MVB12B: variants seen among roughly 807,000 people sequenced by gnomAD.
The protein encoded by MVB12B is multivesicular body subunit 12B.
MVB12B carries 16 observed loss-of-function variants against 41.6 expected under a neutral mutation model. That is an observed-to-expected ratio of 0.38 (90% CI 0.26 to 0.58). MVB12B has a LOEUF of 0.58. Ranked by LOEUF, MVB12B falls within the 20% of genes least tolerant of loss-of-function variation. The probability of loss-of-function intolerance (pLI) is 0.62; values close to 1 mark genes in which losing one functional copy is unlikely to be tolerated. For synonymous variants in MVB12B, 133 were observed against 139.7 expected (o/e 0.95, Z 0.34); for missense variants, 274 against 380.2 (o/e 0.72, Z 2.32).
At chr9:126,335,732 ATTC>A (rs1221753352) in intron 1 of MVB12B, among the ~76,000 whole-genome samples, 2 of 152,170 alleles carry the variant, frequency 1.3e-5, no homozygotes, top group East Asian at 3.9e-4. Flanking sequence ...TGAAATGTTT[ATTC>A]TTCTTCCTTC....
chr9:126,500,907 AGGTG>A, intron 9 of MVB12B, among the ~76,000 whole-genome samples: 1 of 152,126 alleles, frequency 6.6e-6, no homozygotes, highest in African/African-American at 2.4e-5. Context: ...GTGCCCTCGG[AGGTG>A]GCCTTCATGC....
intron 2 of MVB12B, among the ~76,000 whole-genome samples, chr9:126,370,847 T>C (rs1830316527): frequency 1.3e-5 from 2 of 152,198 alleles, no homozygotes; most frequent in African/African-American, 2.4e-5. Flanking sequence ...TTTAGGGTAG[T>C]AAGATTCATC....
intron 7 of MVB12B, among the ~76,000 whole-genome samples, chr9:126,425,747 C>T (rs1452167916): frequency 2.6e-5 from 4 of 152,182 alleles, no homozygotes; most frequent in African/African-American, 7.2e-5. Flanking sequence ...GGCAAGCAGC[C>T]GGCTGCTCCA....
intron 1 of MVB12B, among the ~76,000 whole-genome samples, chr9:126,330,328 C>T (rs199625701): frequency 2.6e-5 from 3 of 115,990 alleles, no homozygotes; most frequent in Admixed American, 8.7e-5. Context: ...CACACACATA[C>T]ACACACACTT....
intron 7 of MVB12B, among the ~76,000 whole-genome samples, chr9:126,429,075 A>G (rs559175289): frequency 6.6e-6 from 1 of 152,310 alleles, no homozygotes; most frequent in African/African-American, 2.4e-5. Flanking sequence ...ATAATAGCAT[A>G]TGGGAAAATT....
chr9:126,402,147 G>C (rs1000652717), intron 6 of MVB12B, among the ~76,000 whole-genome samples: 7 of 152,236 alleles, frequency 4.6e-5, no homozygotes, highest in African/African-American at 1.7e-4. Context: ...GAGGATTGGA[G>C]TTGAAATCTG....
intron 7 of MVB12B, among the ~76,000 whole-genome samples, chr9:126,447,470 G>C (rs1268457881): frequency 1.3e-5 from 2 of 151,938 alleles, no homozygotes; most frequent in Admixed American, 6.6e-5. Context: ...TGACTCAAGT[G>C]TTAGAAAAGA....
chr9:126,489,954 G>A (rs1372031612), intron 9 of MVB12B, among the ~76,000 whole-genome samples: 1 of 152,186 alleles, frequency 6.6e-6, no homozygotes, highest in Non-Finnish European at 1.5e-5. Context: ...TGGCTCTGCA[G>A]GAGGGCAGTG....
intron 7 of MVB12B, among the ~76,000 whole-genome samples, chr9:126,437,685 C>T (rs1430655816): frequency 2.0e-5 from 3 of 152,140 alleles, no homozygotes; most frequent in South Asian, 4.1e-4. Context: ...GTTAAAATAG[C>T]GTTGACAGGC....
intron 9 of MVB12B, among the ~76,000 whole-genome samples, chr9:126,494,727 C>T (rs1448600951): frequency 6.6e-6 from 1 of 152,158 alleles, no homozygotes; most frequent in Non-Finnish European, 1.5e-5. Context: ...TCATTTTCCA[C>T]CCAGTAACCA....
intron 6 of MVB12B, among the ~76,000 whole-genome samples, chr9:126,420,772 A>T (rs115144714): frequency 0.017 from 2,645 of 151,202 alleles, 42 homozygotes; most frequent in African/African-American, 0.042. Context: ...CAAACCCCCA[A>T]CCTCAGGTGA....
chr9:126,462,074 G>A (rs1833102777), intron 7 of MVB12B, among the ~76,000 whole-genome samples: 1 of 152,212 alleles, frequency 6.6e-6, no homozygotes, highest in African/African-American at 2.4e-5. Context: ...AAAACGCTCT[G>A]CTGTTCTGTG....
At chr9:126,349,966 G>A (rs1471788028) in intron 2 of MVB12B, among the ~76,000 whole-genome samples, 1 of 152,146 alleles carries the variant, frequency 6.6e-6, no homozygotes, top group Non-Finnish European at 1.5e-5. Flanking sequence ...GAATATATGA[G>A]GATCCAGTTT....
intron 3 of MVB12B, among the ~76,000 whole-genome samples, chr9:126,384,108 T>A (rs1830706157): frequency 6.6e-6 from 1 of 151,962 alleles, no homozygotes; most frequent in Non-Finnish European, 1.5e-5. Flanking sequence ...TGAAAAAAAA[T>A]TATGATAGAT....
intron 8 of MVB12B, among the ~76,000 whole-genome samples, chr9:126,482,459 C>T (rs1333752655): frequency 1.3e-5 from 2 of 152,212 alleles, no homozygotes; most frequent in Admixed American, 6.5e-5. Flanking sequence ...GAAAAATGCT[C>T]GTGATGTGAC....
chr9:126,495,006 A>G (rs1242708649), intron 9 of MVB12B, among the ~76,000 whole-genome samples: 1 of 152,060 alleles, frequency 6.6e-6, no homozygotes, highest in Non-Finnish European at 1.5e-5. Flanking sequence ...AGTCTGGACA[A>G]CATGGTAAAA....
At chr9:126,493,783 C>T (rs891315513) in intron 9 of MVB12B, among the ~76,000 whole-genome samples, 1 of 152,218 alleles carries the variant, frequency 6.6e-6, no homozygotes, top group Non-Finnish European at 1.5e-5. Flanking sequence ...TTTTCTGCCA[C>T]TTATATGTAA....
intron 1 of MVB12B, chr9:126,327,250 G>A: frequency 1.0e-6 from 1 of 984,438 alleles, no homozygotes; most frequent in Non-Finnish European, 1.2e-6. Context: ...AGAGGCGGGA[G>A]AAGCTGGGGG....
chr9:126,452,962 C>T (rs1022596324), intron 7 of MVB12B, among the ~76,000 whole-genome samples: 3 of 151,908 alleles, frequency 2.0e-5, no homozygotes, highest in Non-Finnish European at 2.9e-5. Flanking sequence ...GGCTGTAGGA[C>T]AATGAGGTTT....
Sources: gnomAD v4.1 joint callset for allele counts (sites outside exome capture counted in the v4.1 genomes callset) on GRCh38, gnomAD v4.1.1 for gene constraint, MANE v1.5 for transcripts, NCBI Gene and HGNC (gene_info 2026-07-23, HGNC 2026-07-21) for gene names.